Variants in MBNL2 observed in about 807,000 individuals in gnomAD.
The protein encoded by MBNL2 is muscleblind-like protein 2.
In MBNL2, 17 loss-of-function variants were observed where a neutral mutation model predicts 41.9. The ratio of observed to expected loss-of-function variants is 0.41; its 90% CI spans 0.28 to 0.61. MBNL2 has a LOEUF of 0.61. Ranked by LOEUF, MBNL2 falls within the 20% of genes least tolerant of loss-of-function variation. The pLI is 0.35. For missense variants in MBNL2, 336 were observed against 505.6 expected (o/e 0.66, Z 3.22); for synonymous variants, 195 against 182.9 (o/e 1.07, Z -0.53).
intron 5 of MBNL2, 121 bp from the exon 6 acceptor site, chr13:97,356,675 A>T: frequency 2.9e-6 from 1 of 339,984 alleles, no homozygotes; most frequent in Non-Finnish European, 6.0e-6. Context: ...TTTCCTTCTC[A>T]CCTATCCACA....
intron 8 of MBNL2, among the ~76,000 whole-genome samples, chr13:97,375,596 G>A (rs751655722): frequency 1.3e-5 from 2 of 152,126 alleles, no homozygotes; most frequent in African/African-American, 2.4e-5. Context: ...CTTTCCACAC[G>A]CCATTATGTT....
chr13:97,153,320 A>AGTGT, the MBNL2 span, among the ~76,000 whole-genome samples: 18 of 150,298 alleles, frequency 1.2e-4, no homozygotes, highest in East Asian at 1.9e-4. Flanking sequence ...CGTGTGTGTG[A>AGTGT]GTGTGTGTGT....
the MBNL2 span, among the ~76,000 whole-genome samples, chr13:97,189,250 C>A: frequency 3.3e-5 from 5 of 152,090 alleles, no homozygotes; most frequent in Non-Finnish European, 7.4e-5. Flanking sequence ...ATTCTAAGGT[C>A]GATTTAATTA....
At chr13:97,365,672 A>G (rs1281079776) in intron 8 of MBNL2, among the ~76,000 whole-genome samples, 1 of 152,188 alleles carries the variant, frequency 6.6e-6, no homozygotes, top group Non-Finnish European at 1.5e-5. Context: ...TCTAATTTTA[A>G]GTGCTGATTT....
intron 7 of MBNL2, among the ~76,000 whole-genome samples, chr13:97,358,143 T>C (rs1430145013): frequency 1.3e-5 from 2 of 152,210 alleles, no homozygotes; most frequent in African/African-American, 2.4e-5. Flanking sequence ...AGTTCACAAG[T>C]ATATAGAGCT....
rs894493295 is a variant in MBNL2 at position 97,366,191 on chromosome 13, A to G, written c.1048+1020A>G. 3.3e-5 allele frequency among the ~76,000 whole-genome samples: 5 copies of G among 152,232 alleles called. No individual in the cohort carries two copies. The highest frequency in any genetic ancestry group is 2.6e-4 in the Admixed American group (4 of 15,292). On this transcript the variant is annotated intron_variant, in intron 8 of 8. Transcript: ENST00000679496. This position sits in a 1 kb window ranked among gnomAD's most constrained non-coding sequence, Gnocchi z 4.7. The stretch of plus-strand genomic sequence containing the variant: ...CTATTGTTAGAAATAAAATGTTTAT[A>G]AATACATCAACCAAAGTAATCTGCT...
At chr13:97,237,355 T>A (rs1163127651) in intron 1 of MBNL2, among the ~76,000 whole-genome samples, 1 of 152,246 alleles carries the variant, frequency 6.6e-6, no homozygotes, top group Non-Finnish European at 1.5e-5. Flanking sequence ...AATGAAGCTT[T>A]CATTGGCTAT....
intron 2 of MBNL2, among the ~76,000 whole-genome samples, chr13:97,288,170 A>G (rs2055051543): frequency 6.7e-6 from 1 of 149,780 alleles, no homozygotes; most frequent in Non-Finnish European, 1.5e-5. Flanking sequence ...ATAAACGGGC[A>G]ACTCTGTCAG....
At chr13:97,199,139 G>C in the MBNL2 span, among the ~76,000 whole-genome samples, 8,989 of 152,128 alleles carry the variant, frequency 0.059, 316 homozygotes, top group African/African-American at 0.072. Flanking sequence ...CCAGCCTCCT[G>C]CTGTTTCTGG....
At chr13:97,203,929 A>ATGG in the MBNL2 span, among the ~76,000 whole-genome samples, 4 of 151,606 alleles carry the variant, frequency 2.6e-5, no homozygotes, top group South Asian at 6.3e-4. Flanking sequence ...CGGACGGATG[A>ATGG]ATGGATGGAC....
chr13:97,290,311 G>A (rs59940531), intron 2 of MBNL2, among the ~76,000 whole-genome samples: 13,496 of 152,196 alleles, frequency 0.089, 654 homozygotes, highest in South Asian at 0.14. Context: ...CAGCATGTTA[G>A]AAAGGAGACA....
chr13:97,155,381 C>A, the MBNL2 span, among the ~76,000 whole-genome samples: 18 of 139,944 alleles, frequency 1.3e-4, no homozygotes, highest in East Asian at 2.1e-4. Context: ...AAGTAATTTT[C>A]TTTTTTTTTT....
intron 2 of MBNL2, among the ~76,000 whole-genome samples, chr13:97,299,845 G>A (rs909758692): frequency 2.0e-5 from 3 of 152,160 alleles, no homozygotes; most frequent in Admixed American, 6.5e-5. Context: ...TATGTAATGT[G>A]TTAATCAGGT....
At chr13:97,279,556 G>A (rs1026349711) in intron 2 of MBNL2, among the ~76,000 whole-genome samples, 3 of 152,190 alleles carry the variant, frequency 2.0e-5, no homozygotes, top group African/African-American at 7.2e-5. Flanking sequence ...AGAATTAACT[G>A]TGTGAATGAT....
At chr13:97,227,382 T>A (rs2041800423) in intron 1 of MBNL2, among the ~76,000 whole-genome samples, 1 of 152,148 alleles carries the variant, frequency 6.6e-6, no homozygotes. Context: ...ACACTGAAAA[T>A]GCTGCGGCCG....
intron 2 of MBNL2, among the ~76,000 whole-genome samples, chr13:97,296,103 T>G (rs1303887119): frequency 2.0e-5 from 3 of 152,166 alleles, no homozygotes; most frequent in Non-Finnish European, 2.9e-5. Context: ...ACCATGGAAC[T>G]CTGTCAGATT....
chr13:97,146,127 A>G, the MBNL2 span, among the ~76,000 whole-genome samples: 1 of 150,956 alleles, frequency 6.6e-6, no homozygotes, highest in South Asian at 2.1e-4. Flanking sequence ...AGTAGCTAGG[A>G]CTACAGGCGT....
chr13:97,173,576 A>G, the MBNL2 span, among the ~76,000 whole-genome samples: 1 of 152,150 alleles, frequency 6.6e-6, no homozygotes, highest in Non-Finnish European at 1.5e-5. Flanking sequence ...CTTAGTCTTT[A>G]TAGCCTGAGT....
upstream of MBNL2, chr13:97,221,624 G>A (rs1310081727): frequency 6.6e-6 from 1 of 152,122 alleles, no homozygotes; most frequent in Admixed American, 6.5e-5. Context: ...TAATCCTCTC[G>A]TGGGTGCCTG....
Sources: gnomAD v4.1 joint callset for allele counts (sites outside exome capture counted in the v4.1 genomes callset) on GRCh38, gnomAD v4.1.1 for gene constraint, Gnocchi (gnomAD v3.1) non-coding constraint, MANE v1.5 for transcripts, NCBI Gene and HGNC (gene_info 2026-07-23, HGNC 2026-07-21) for gene names.